OPRM1: variants seen among roughly 807,000 people sequenced by gnomAD.
OPRM1 encodes mu-type opioid receptor.
OPRM1 carries 27 observed loss-of-function variants against 31.8 expected under a neutral mutation model. That is an observed-to-expected ratio of 0.85 (90% confidence interval 0.63 to 1.17). The LOEUF (loss-of-function observed/expected upper bound fraction) is 1.17. OPRM1 is among the 50% of genes most tolerant of loss of function. The pLI, the probability that OPRM1 is intolerant of heterozygous loss-of-function variation, is 0.00. For missense variants in OPRM1, 536 were observed against 511.1 expected, an observed-to-expected ratio of 1.05 and a Z score of -0.47; for synonymous variants, 196 against 189.9, an observed-to-expected ratio of 1.03 and a Z score of -0.26.
chr6:154,091,860 A>G, intron 3 of OPRM1: 1 of 998,838 alleles, frequency 1.0e-6, no homozygotes, highest in Non-Finnish European at 1.2e-6. Context: ...TATTTCTCAA[A>G]AGCCAGTCTT....
intron 3 of OPRM1, among the ~76,000 whole-genome samples, chr6:154,138,334 C>T (rs191449473): frequency 4.6e-5 from 7 of 152,116 alleles, no homozygotes; most frequent in Non-Finnish European, 8.8e-5. Flanking sequence ...TTATTCTAGG[C>T]CAGTTATTCA....
chr6:154,092,297 A>AGCCACTG (rs1279727455), intron 3 of OPRM1, among the ~76,000 whole-genome samples: 1 of 152,204 alleles, frequency 6.6e-6, no homozygotes, highest in Non-Finnish European at 1.5e-5. Context: ...TACTTGATTA[A>AGCCACTG]GCCACTGGTT....
At chr6:154,188,186 C>A (rs1296664522) in intron 3 of OPRM1, among the ~76,000 whole-genome samples, 1 of 152,032 alleles carries the variant, frequency 6.6e-6, no homozygotes, top group Admixed American at 6.6e-5. Context: ...ATTTTAAAAA[C>A]TAATTGCATT....
At chr6:154,010,664 G>A in exon 1 of OPRM1, 1 of 1,476,398 alleles carries the variant, frequency 6.8e-7, no homozygotes, top group Non-Finnish European at 9.0e-7. Flanking sequence ...CTGGAAGATA[G>A]GAAAGCAAGC....
chr6:154,118,221 C>A (rs1024540920), intron 3 of OPRM1, among the ~76,000 whole-genome samples: 4 of 151,908 alleles, frequency 2.6e-5, no homozygotes, highest in African/African-American at 4.8e-5. Flanking sequence ...GGAAAAAAAT[C>A]ATTAATTTTG....
At chr6:154,018,156 T>C (rs1454241327) in intron 1 of OPRM1, among the ~76,000 whole-genome samples, 1 of 152,118 alleles carries the variant, frequency 6.6e-6, no homozygotes, top group Non-Finnish European at 1.5e-5. Flanking sequence ...CTGTGGCTCA[T>C]GCCTGTAATC....
intron 3 of OPRM1, 21 bp from the exon 4 acceptor site, chr6:154,118,660 CTT>C: frequency 6.2e-7 from 1 of 1,611,932 alleles, no homozygotes; most frequent in Admixed American, 1.7e-5. Flanking sequence ...TGTTCACTGT[CTT>C]TGCTCTTTCT....
intron 3 of OPRM1, among the ~76,000 whole-genome samples, chr6:154,240,337 G>C (rs1780480034): frequency 6.6e-6 from 1 of 152,184 alleles, no homozygotes. Flanking sequence ...AGCTGGGGGA[G>C]AAAGAATATA....
chr6:154,236,482 T>A (rs544345206), intron 3 of OPRM1, among the ~76,000 whole-genome samples: 2 of 152,296 alleles, frequency 1.3e-5, no homozygotes, highest in East Asian at 3.9e-4. Context: ...TGCTGACGGT[T>A]GCACAGTAAT....
intron 1 of OPRM1, among the ~76,000 whole-genome samples, chr6:154,012,716 C>T (rs1777795134): frequency 6.6e-6 from 1 of 152,124 alleles, no homozygotes; most frequent in Non-Finnish European, 1.5e-5. Flanking sequence ...TCAGTTTGGG[C>T]TGCTATAATG....
At chr6:154,104,629 T>C (rs1795325146) in intron 3 of OPRM1, among the ~76,000 whole-genome samples, 1 of 152,212 alleles carries the variant, frequency 6.6e-6, no homozygotes, top group Non-Finnish European at 1.5e-5. Flanking sequence ...TGTACCATAG[T>C]TTTTGAAACA....
intron 3 of OPRM1, among the ~76,000 whole-genome samples, chr6:154,103,296 A>G (rs1302572175): frequency 6.6e-6 from 1 of 152,218 alleles, no homozygotes; most frequent in Non-Finnish European, 1.5e-5. Context: ...GCTTTGTACA[A>G]ATTGTTTTTA....
In OPRM1 at chr6:154,066,524, C is replaced by G. The variant is rs192273183; in HGVS notation, c.291-23302C>G. On this transcript the variant is annotated intron_variant, in intron 1 of 3. Transcript: ENST00000330432. The stretch of plus-strand genomic sequence containing the variant: ...TGAATTATGCACCCTCCCATCCCCC[C>G]CAAAAAAAATCATTTGTTGAAACCC... 2.3e-3 allele frequency among the ~76,000 whole-genome samples: 350 copies of G among 151,528 alleles called. 2 individuals carry two copies. Among genetic ancestry groups the G allele is most frequent in the African/African-American group, 8.1e-3 (331 of 41,078 alleles).
rs1797174991 is a variant in OPRM1 at position 154,119,257 on chromosome 6, C to T, written c.*536C>T. 1 of 985,338 alleles carries T rather than the reference C, an allele frequency of 1.0e-6. No homozygotes were observed. Among genetic ancestry groups the T allele is most frequent in the South Asian group, 4.7e-5 (1 of 21,282 alleles). 61.0% of individuals were successfully genotyped at this position (985,338 alleles called of 1,614,324 possible). A position where few individuals can be genotyped will look rare whatever the true frequency, so the allele number is the denominator to read the frequency against. On this transcript the variant is annotated 3_prime_UTR_variant, in exon 4 of 4. Coordinates refer to ENST00000330432, the MANE Select transcript of OPRM1 (RefSeq NM_000914.5). ...CTGGCTAAGGCATCATTTTCACCTC[C>T]ATTTCTTGGTTTTGTATTGTTTAAA...
chr6:154,176,823 T>A (rs1463332739), intron 3 of OPRM1, among the ~76,000 whole-genome samples: 1 of 151,260 alleles, frequency 6.6e-6, no homozygotes, highest in East Asian at 1.9e-4. Context: ...AAATTTCATA[T>A]GAAACCAAGA....
chr6:154,209,843 A>T (rs956959953), intron 3 of OPRM1, among the ~76,000 whole-genome samples: 1 of 152,144 alleles, frequency 6.6e-6, no homozygotes, highest in African/African-American at 2.4e-5. Flanking sequence ...CTAACTGTTC[A>T]ACGTTTATCT....
chr6:154,221,335 G>C (rs1479700554), intron 3 of OPRM1: 4 of 1,612,850 alleles, frequency 2.5e-6, no homozygotes. Context: ...AGCACTTGAA[G>C]GAGGAAAAGC....
chr6:154,239,760 G>C (rs1203033761), intron 3 of OPRM1, among the ~76,000 whole-genome samples: 1 of 152,226 alleles, frequency 6.6e-6, no homozygotes, highest in Non-Finnish European at 1.5e-5. Context: ...CTGGAGTGCA[G>C]TGATGTGATC....
At chr6:154,074,446 A>G (rs1487406057) in intron 1 of OPRM1, 2 of 152,216 alleles carry the variant, frequency 1.3e-5, no homozygotes, top group Non-Finnish European at 2.9e-5. Context: ...GAGCATGTTA[A>G]TGAGCTGGAA....
Sources: gnomAD v4.1 joint callset for allele counts (sites outside exome capture counted in the v4.1 genomes callset) on GRCh38, gnomAD v4.1.1 for gene constraint, MANE v1.5 for transcripts, NCBI Gene and HGNC (gene_info 2026-07-23, HGNC 2026-07-21) for gene names.